The following LNPK variants were observed in gnomAD, a reference collection of about 807,000 sequenced individuals.
The protein encoded by LNPK is endoplasmic reticulum junction formation protein lunapark.
LNPK carries 29 observed loss-of-function variants against 55.2 expected under a neutral mutation model. The ratio of observed to expected loss-of-function variants is 0.53; its 90% CI spans 0.39 to 0.72. The LOEUF is 0.72. Among genes scored for constraint, LNPK ranks in the 30% least tolerant of loss-of-function variants. The pLI is 0.00. For synonymous variants in LNPK, 162 were observed against 168.2 expected (o/e 0.96, Z 0.29); for missense variants, 467 against 494.8 (o/e 0.94, Z 0.53).
rs145686066 is a variant in LNPK at position 175,977,885 on chromosome 2, T to C, written c.316+1925A>G. On this transcript the variant is annotated intron_variant, in intron 5 of 12. Coordinates refer to ENST00000272748, the MANE Select transcript of LNPK (RefSeq NM_030650.3). The stretch of plus-strand genomic sequence containing the variant: ...ATACTGAGGCAGAATTATATGCCAA[T>C]AGGAATAATAAAACATAAAATGATG... 4.2e-3 allele frequency among the ~76,000 whole-genome samples: 639 copies of C among 152,084 alleles called. 8 individuals carry two copies. Among genetic ancestry groups the C allele is most frequent in the Non-Finnish European group, 7.7e-3 (522 of 67,922 alleles).
chr2:175,946,247 T>C (rs753515430), intron 9 of LNPK, among the ~76,000 whole-genome samples: 7 of 152,168 alleles, frequency 4.6e-5, no homozygotes, highest in Non-Finnish European at 8.8e-5. Context: ...CAAATGTATA[T>C]AATCCATACA....
rs935492 is a variant in LNPK at position 176,002,239 on chromosome 2, C to A, written c.-142G>T. 11 of 451,574 alleles carry A rather than the reference C, an allele frequency of 2.4e-5. No homozygotes were observed. The highest frequency in any genetic ancestry group is 7.1e-5 in the Admixed American group (3 of 42,384). The allele number at this position is 451,574 out of a possible 1,614,324, so 28.0% of individuals were successfully genotyped here. On this transcript the variant is annotated 5_prime_UTR_variant, in exon 1 of 13. Transcript: ENST00000272748. Reference sequence around the variant, plus strand: ...GCCACCGCCCAGCCTGCCTCCAGAGCAGGCAGCAGCCGCCACTGACAGAGA... The same window carrying A: ...GCCACCGCCCAGCCTGCCTCCAGAGAAGGCAGCAGCCGCCACTGACAGAGA...
chr2:175,961,359 C>G (rs936496849), intron 8 of LNPK, among the ~76,000 whole-genome samples: 5 of 152,294 alleles, frequency 3.3e-5, no homozygotes, highest in Non-Finnish European at 7.4e-5. Context: ...GCATGATGAT[C>G]AAGTTGGCTT....
intron 5 of LNPK, among the ~76,000 whole-genome samples, chr2:175,978,013 G>C (rs185821228): frequency 6.6e-6 from 1 of 152,246 alleles, no homozygotes; most frequent in East Asian, 1.9e-4. Context: ...CCATAGATGA[G>C]ATCAAGGCCA....
chr2:175,968,756 A>G (rs1686500956), intron 6 of LNPK, among the ~76,000 whole-genome samples: 1 of 152,200 alleles, frequency 6.6e-6, no homozygotes, highest in Non-Finnish European at 1.5e-5. Flanking sequence ...TTACATTACA[A>G]ATCTATTCAG....
chr2:175,985,160 A>C (rs1489426096), intron 4 of LNPK, among the ~76,000 whole-genome samples: 1 of 152,218 alleles, frequency 6.6e-6, no homozygotes, highest in African/African-American at 2.4e-5. Flanking sequence ...TTGTGGAGAC[A>C]GAAAACAGAT....
chr2:175,938,307 T>C lies in LNPK; in HGVS notation c.883+6A>G. On this transcript the variant is annotated splice_donor_region_variant and intron_variant, in intron 11 of 12. Transcript: ENST00000272748. ...TATTTAAATCTCATTGCCCAATAAT[T>C]CTTACCAATGTATTCAAATTCTTCC... The C allele has an allele frequency of 6.5e-7, 1 of 1,542,240 alleles. No individual in the cohort carries two copies. The highest frequency in any genetic ancestry group is 1.1e-5 in the South Asian group (1 of 87,006).
intron 1 of LNPK, among the ~76,000 whole-genome samples, chr2:175,999,849 A>G (rs1319842013): frequency 6.6e-6 from 1 of 152,070 alleles, no homozygotes; most frequent in African/African-American, 2.4e-5. Flanking sequence ...CACTGCAACC[A>G]CCGCCTCCTG....
intron 12 of LNPK, among the ~76,000 whole-genome samples, 176 bp from the exon 13 acceptor site, chr2:175,930,375 ACT>A (rs963078628): frequency 2.0e-5 from 3 of 151,342 alleles, no homozygotes; most frequent in African/African-American, 2.4e-5. Context: ...TAAGTACATA[ACT>A]CTCTTTACAG....
intron 11 of LNPK, 71 bp downstream of exon 11, chr2:175,938,242 G>T: frequency 1.1e-6 from 1 of 922,866 alleles, no homozygotes; most frequent in Non-Finnish European, 1.7e-6. Context: ...AAATGACACT[G>T]CATAGAAAAT....
Position 175,947,503 on chromosome 2 carries a change from G to T in LNPK, c.683C>A (p.Pro228His), listed in dbSNP as rs780064628. 36 of 1,613,524 alleles carry T rather than the reference G, an allele frequency of 2.2e-5. No individual in the cohort carries two copies. The South Asian group carries it at 3.8e-4, about 17-fold the overall frequency. ...ACCCATTCCAGGCACTGAAGTAGCA[G>T]GGGATCCAAGATGTCTTGGTAACAC... ...SNVLPRHLGSPATSVPGMGLH... is the reference protein window; with the variant it reads ...SNVLPRHLGSHATSVPGMGLH... Residue 228 changes from proline to histidine, a missense_variant, in exon 9 of 13, where the codon CCT (proline) becomes CAT (histidine). Transcript: ENST00000272748.
intron 4 of LNPK, among the ~76,000 whole-genome samples, chr2:175,980,299 G>A (rs996111774): frequency 5.9e-5 from 9 of 152,128 alleles, no homozygotes; most frequent in Admixed American, 1.3e-4. Context: ...TTATACAAAT[G>A]TAAGTTGCCA....
intron 4 of LNPK, among the ~76,000 whole-genome samples, chr2:175,991,851 G>C (rs533665208): frequency 6.6e-6 from 1 of 152,296 alleles, no homozygotes; most frequent in South Asian, 2.1e-4. Context: ...GAAGGGAAGA[G>C]AGTTGAGGTG....
intron 12 of LNPK, 98 bp from the exon 13 acceptor site, chr2:175,930,297 C>CAT: frequency 2.5e-6 from 1 of 398,976 alleles, no homozygotes; most frequent in Non-Finnish European, 4.8e-6. Context: ...CACACACACA[C>CAT]ACACACACAC....
At chr2:175,975,507 G>T (rs1033555038) in intron 5 of LNPK, among the ~76,000 whole-genome samples, 6 of 152,254 alleles carry the variant, frequency 3.9e-5, no homozygotes, top group African/African-American at 1.4e-4. Context: ...GGGTGCATGA[G>T]ATGTTTTGAC....
chr2:175,936,203 G>A (rs1257668202), intron 12 of LNPK, among the ~76,000 whole-genome samples: 1 of 152,022 alleles, frequency 6.6e-6, no homozygotes, highest in Non-Finnish European at 1.5e-5. Context: ...AAGAATACAG[G>A]CCTCTGTCAT....
At chr2:175,941,673 C>T (rs1684847196) in intron 9 of LNPK, among the ~76,000 whole-genome samples, 1 of 151,436 alleles carries the variant, frequency 6.6e-6, no homozygotes, top group Non-Finnish European at 1.5e-5. Flanking sequence ...CGCCTGTAGT[C>T]CCAGCTACTT....
In LNPK at chr2:176,002,251, G is replaced by T; in HGVS notation, c.-154C>A. On this transcript the variant is annotated 5_prime_UTR_variant, in exon 1 of 13. Coordinates refer to ENST00000272748, the MANE Select transcript of LNPK (RefSeq NM_030650.3). The stretch of plus-strand genomic sequence containing the variant: ...CCTGCCTCCAGAGCAGGCAGCAGCC[G>T]CCACTGACAGAGAGACAAGCCGGGC... 2.2e-6 allele frequency: 1 copy of T among 450,678 alleles called. No individual in the cohort carries two copies. The highest frequency in any genetic ancestry group is 4.4e-6 in the Non-Finnish European group (1 of 225,302). The allele number at this position is 450,678 out of a possible 1,614,324, so 27.9% of individuals were successfully genotyped here.
At chr2:175,959,474 G>A (rs1006288790) in intron 8 of LNPK, among the ~76,000 whole-genome samples, 1 of 152,128 alleles carries the variant, frequency 6.6e-6, no homozygotes, top group African/African-American at 2.4e-5. Context: ...CTTCATAAGT[G>A]AAGGAGAAAT....
Sources: gnomAD v4.1 joint callset for allele counts (sites outside exome capture counted in the v4.1 genomes callset) on GRCh38, gnomAD v4.1.1 for gene constraint, MANE v1.5 for transcripts, NCBI Gene and HGNC (gene_info 2026-07-23, HGNC 2026-07-21) for gene names.